The following SLC8A1 variants were observed in gnomAD, a reference collection of about 807,000 sequenced individuals.
SLC8A1 encodes solute carrier family 8 member A1, also known as sodium/calcium exchanger 1.
SLC8A1 carries 18 observed loss-of-function variants against 68.3 expected under a neutral mutation model. That is an observed-to-expected ratio of 0.26 (90% confidence interval 0.18 to 0.39). SLC8A1 has a LOEUF of 0.39. Ranked by LOEUF, SLC8A1 falls within the 10% of genes least tolerant of loss-of-function variation. SLC8A1 has a pLI of 1.00. For missense variants in SLC8A1, 985 were observed against 1,156.7 expected (o/e 0.85, Z 2.15); for synonymous variants, 475 against 415.5 (o/e 1.14, Z -1.74).
intron 2 of SLC8A1, among the ~76,000 whole-genome samples, chr2:40,218,040 G>A (rs946680339): frequency 3.3e-5 from 5 of 152,130 alleles, no homozygotes; most frequent in Non-Finnish European, 7.4e-5. Flanking sequence ...TCTCAGTGGG[G>A]TAGTAAAGAG....
chr2:40,369,857 G>A (rs1466767615), intron 2 of SLC8A1, among the ~76,000 whole-genome samples: 2 of 140,856 alleles, frequency 1.4e-5, no homozygotes, highest in South Asian at 2.2e-4. Context: ...ACCACTGCTG[G>A]TGTAGAAAAG....
intron 2 of SLC8A1, among the ~76,000 whole-genome samples, chr2:40,351,717 TA>T (rs999014662): frequency 5.3e-5 from 8 of 152,016 alleles, no homozygotes; most frequent in African/African-American, 1.4e-4. Context: ...AAGGCAGTGA[TA>T]GGGGAAAGAG....
chr2:40,342,100 G>C (rs1667876893), intron 2 of SLC8A1, among the ~76,000 whole-genome samples: 1 of 152,098 alleles, frequency 6.6e-6, no homozygotes, highest in African/African-American at 2.4e-5. Context: ...CCAAGAGTTA[G>C]TAAAGTTTCT....
chr2:40,132,461 T>A (rs1187057197), intron 7 of SLC8A1, among the ~76,000 whole-genome samples: 1 of 151,956 alleles, frequency 6.6e-6, no homozygotes, highest in Admixed American at 6.5e-5. Flanking sequence ...GTCACTCAGA[T>A]TATGGGGCCT....
intron 2 of SLC8A1, among the ~76,000 whole-genome samples, chr2:40,241,359 C>T (rs1480202167): frequency 6.6e-6 from 1 of 152,034 alleles, no homozygotes; most frequent in Non-Finnish European, 1.5e-5. Context: ...GAATAGGGGG[C>T]ATGGGTTGAA....
chr2:40,329,984 T>C (rs1442205775), intron 2 of SLC8A1, among the ~76,000 whole-genome samples: 2 of 152,214 alleles, frequency 1.3e-5, no homozygotes, highest in Admixed American at 1.3e-4. Context: ...AGCCAAGCTA[T>C]TTAAAGAGCA....
At chr2:40,111,980 G>C (rs535296540) in exon 8 of SLC8A1, 4 of 152,278 alleles carry the variant, frequency 2.6e-5, no homozygotes, top group African/African-American at 9.6e-5. Context: ...ATGGAGGAAT[G>C]TCCAACATAT....
intron 2 of SLC8A1, among the ~76,000 whole-genome samples, chr2:40,288,491 C>A (rs1184733209): frequency 6.6e-6 from 1 of 152,004 alleles, no homozygotes; most frequent in Non-Finnish European, 1.5e-5. Context: ...AGCCCCTACT[C>A]CTCTCCCCTC....
At chr2:40,217,056 G>A (rs146938267) in intron 2 of SLC8A1, among the ~76,000 whole-genome samples, 2,826 of 152,134 alleles carry the variant, frequency 0.019, 81 homozygotes, top group African/African-American at 0.059. Context: ...TGGTGTTTTC[G>A]TCATGAAGTC....
chr2:40,205,532 C>T (rs968470159), intron 2 of SLC8A1, among the ~76,000 whole-genome samples: 9 of 151,874 alleles, frequency 5.9e-5, no homozygotes, highest in African/African-American at 9.7e-5. Flanking sequence ...TTATCCATAG[C>T]GGACTAACAA....
intron 1 of SLC8A1, among the ~76,000 whole-genome samples, chr2:40,461,323 C>T (rs370297641): frequency 1.3e-5 from 2 of 152,140 alleles, no homozygotes; most frequent in African/African-American, 4.8e-5. Flanking sequence ...ACAGACCCTT[C>T]GTTGGTTTTA....
At chr2:40,408,266 A>C (rs1254410806) in intron 2 of SLC8A1, among the ~76,000 whole-genome samples, 1 of 152,218 alleles carries the variant, frequency 6.6e-6, no homozygotes, top group African/African-American at 2.4e-5. Context: ...TATACCTTCA[A>C]AAGTCTTTAT....
intron 1 of SLC8A1, among the ~76,000 whole-genome samples, chr2:40,476,840 G>C (rs1704323909): frequency 6.6e-6 from 1 of 152,156 alleles, no homozygotes; most frequent in Non-Finnish European, 1.5e-5. Context: ...TCTAGGAGGA[G>C]TGATCATCCT....
At chr2:40,237,538 C>T (rs1467675687) in intron 2 of SLC8A1, among the ~76,000 whole-genome samples, 1 of 151,736 alleles carries the variant, frequency 6.6e-6, no homozygotes, top group East Asian at 1.9e-4. Flanking sequence ...AACTTCTTTG[C>T]CTTTGGTTTG....
At chr2:40,404,942 A>G (rs922582025) in intron 2 of SLC8A1, among the ~76,000 whole-genome samples, 2 of 152,198 alleles carry the variant, frequency 1.3e-5, no homozygotes, top group African/African-American at 4.8e-5. Context: ...TGTGGGTAAT[A>G]GCAATTATTT....
At chr2:40,239,640 A>T (rs1413583530) in intron 2 of SLC8A1, among the ~76,000 whole-genome samples, 1 of 152,198 alleles carries the variant, frequency 6.6e-6, no homozygotes, top group Non-Finnish European at 1.5e-5. Flanking sequence ...CAACTGGTGC[A>T]TTCTACTCCA....
At chr2:40,413,098 A>G (rs1293456958) in intron 2 of SLC8A1, among the ~76,000 whole-genome samples, 1 of 152,120 alleles carries the variant, frequency 6.6e-6, no homozygotes, top group Non-Finnish European at 1.5e-5. Context: ...AAAGTCAGGA[A>G]ACAACAGGTG....
intron 6 of SLC8A1, among the ~76,000 whole-genome samples, chr2:40,154,042 A>G (rs181824696): frequency 1.3e-5 from 2 of 152,202 alleles, no homozygotes; most frequent in Non-Finnish European, 2.9e-5. Context: ...TTGAGCTGAA[A>G]GCCTACTGGA....
upstream of SLC8A1, chr2:40,453,302 T>G (rs910887285): frequency 1.3e-5 from 2 of 151,882 alleles, no homozygotes; most frequent in African/African-American, 2.4e-5. Context: ...CCAAGGTGTG[T>G]GGGGGGGTCA....
Sources: gnomAD v4.1 joint callset for allele counts (sites outside exome capture counted in the v4.1 genomes callset) on GRCh38, gnomAD v4.1.1 for gene constraint, MANE v1.5 for transcripts, NCBI Gene and HGNC (gene_info 2026-07-23, HGNC 2026-07-21) for gene names.